Variants in RGMB observed in about 807,000 individuals in gnomAD.
RGMB encodes the protein repulsive guidance molecule BMP co-receptor b.
A neutral mutation model predicts 26.9 loss-of-function variants in RGMB; 16 were observed. The ratio of observed to expected loss-of-function variants is 0.60; its 90% CI spans 0.40 to 0.90. The LOEUF is 0.90. Among genes scored for constraint, RGMB ranks in the 40% least tolerant of loss-of-function variants. The pLI, the probability that RGMB is intolerant of heterozygous loss-of-function variation, is 0.00. For missense variants in RGMB, 512 were observed against 573.3 expected, an observed-to-expected ratio of 0.89 and a Z score of 1.09; for synonymous variants, 225 against 229.3, an observed-to-expected ratio of 0.98 and a Z score of 0.17.
chr5:98,789,291 GTTTCTTCCAAAATATAT>G (rs1321027799), intron 2 of RGMB, among the ~76,000 whole-genome samples: 1 of 152,148 alleles, frequency 6.6e-6, no homozygotes, highest in Non-Finnish European at 1.5e-5. Context: ...ACAGATAAAT[GTTTCTTCCAAAATATAT>G]TACGCACAAG....
At position 98,773,690 on chromosome 5, in the gene RGMB, G is replaced by T; in HGVS notation, c.-381G>T. 1 of 363,926 alleles carries T rather than the reference G, an allele frequency of 2.7e-6. No individual in the cohort carries two copies. 22.5% of individuals were successfully genotyped at this position (363,926 alleles called of 1,614,324 possible). On this transcript the variant is annotated 5_prime_UTR_variant, in exon 1 of 3. Transcript: ENST00000513185. ...AGAGATATCCGGGCCGCCGGTGGGT[G>T]GTCGCTAGGGCTGGGCCAGCCTCTT...
Position 98,793,240 on chromosome 5 carries a change from C to T in RGMB, c.801C>T (p.His267=), listed in dbSNP as rs762476444. 46 of 1,613,998 alleles carry T rather than the reference C, an allele frequency of 2.9e-5. No homozygotes were observed. The highest frequency in any genetic ancestry group is 3.9e-5 in the Non-Finnish European group (46 of 1,179,890). The change falls in exon 3 of 3, where the codon CAC becomes CAT. Residue 267 remains histidine, a synonymous_variant. Transcript: ENST00000513185. ...SLRIVERESG[H]YVEMHARYIG... is the part of the protein sequence containing the mutation. ...GTATCGTGGAAAGGGAGAGTGGCCA[C>T]TATGTGGAGATGCACGCCCGCTATA...
chr5:98,773,871 C>T lies in RGMB; in HGVS notation c.-200C>T, dbSNP rs574254981. 4.4e-5 allele frequency: 22 copies of T among 504,904 alleles called. No individual in the cohort carries two copies. The highest frequency in any genetic ancestry group is 4.3e-4 in the African/African-American group (21 of 48,852). 31.3% of individuals were successfully genotyped at this position (504,904 alleles called of 1,614,324 possible). On this transcript the variant is annotated 5_prime_UTR_variant, in exon 1 of 3. Transcript: ENST00000513185. ...GCCACGATGCCCCTGCGCCCCGCTG[C>T]TGCCGCCGCGGACTGGCTGCGCCGG... is the stretch of plus-strand genomic sequence containing the variant.
chr5:98,789,475 T>A (rs888090452), intron 2 of RGMB, among the ~76,000 whole-genome samples: 1 of 145,566 alleles, frequency 6.9e-6, no homozygotes, highest in East Asian at 1.9e-4. Flanking sequence ...TTTCATTTAA[T>A]ATGTTTTTTT....
intron 2 of RGMB, among the ~76,000 whole-genome samples, chr5:98,791,959 G>C (rs969437430): frequency 6.6e-6 from 1 of 152,212 alleles, no homozygotes; most frequent in Admixed American, 6.5e-5. Flanking sequence ...TATGTGCTTA[G>C]TTTGGAGAAT....
In RGMB at chr5:98,779,814, A is replaced by T. The variant is rs750590625; in HGVS notation, c.371A>T (p.Asp124Val). The T allele has an allele frequency of 6.2e-7, 1 of 1,614,028 alleles. No homozygotes were observed. The highest frequency in any genetic ancestry group is 8.5e-7 in the Non-Finnish European group (1 of 1,179,900). ...DLMSQRNCSKDGPTSSTNPEV... is the reference protein window; with the variant it reads ...DLMSQRNCSKVGPTSSTNPEV... ...ATGAGCCAGAGGAATTGTTCCAAGGATGGACCCACATCCTCTACCAACCCC... is the reference window on the plus strand; with the variant it reads ...ATGAGCCAGAGGAATTGTTCCAAGGTTGGACCCACATCCTCTACCAACCCC... The change falls in exon 2 of 3, where the codon GAT becomes GTT. Residue 124 changes from aspartate (D) to valine (V), a missense_variant. Asp to Val is a radical substitution (Grantham distance 152, BLOSUM62 -3). Transcript: ENST00000513185.
chr5:98,785,677 G>C (rs947261862), intron 2 of RGMB, among the ~76,000 whole-genome samples: 1 of 152,188 alleles, frequency 6.6e-6, no homozygotes, highest in African/African-American at 2.4e-5. Flanking sequence ...ATAGTCGCCA[G>C]TTCTTAATTA....
chr5:98,780,959 C>T (rs1746583115), intron 2 of RGMB: 1 of 152,182 alleles, frequency 6.6e-6, no homozygotes, highest in African/African-American at 2.4e-5. Context: ...TAACCACCTC[C>T]TTCCGTGTCT....
chr5:98,790,622 C>T (rs1746898827), intron 2 of RGMB, among the ~76,000 whole-genome samples: 1 of 152,004 alleles, frequency 6.6e-6, no homozygotes, highest in Non-Finnish European at 1.5e-5. Flanking sequence ...GGAACCATTC[C>T]ACTCATCTCA....
chr5:98,786,850 G>A (rs1440383446), intron 2 of RGMB, among the ~76,000 whole-genome samples: 1 of 152,168 alleles, frequency 6.6e-6, no homozygotes. Flanking sequence ...AGGTGAAACT[G>A]GTTCTATGGA....
chr5:98,794,414 T>C lies in RGMB; in HGVS notation c.*661T>C, dbSNP rs564554916. The C allele has an allele frequency of 1.3e-5, 2 of 152,330 alleles. No homozygotes were observed. The highest frequency in any genetic ancestry group is 4.1e-4 in the South Asian group (2 of 4,824). The allele number at this position is 152,330 out of a possible 1,614,324, so 9.4% of individuals were successfully genotyped here. A position where few individuals can be genotyped will look rare whatever the true frequency, so the allele number is the denominator to read the frequency against. On this transcript the variant is annotated 3_prime_UTR_variant, in exon 3 of 3. Coordinates refer to ENST00000513185, the MANE Select transcript of RGMB (RefSeq NM_001366508.1). ...TACTCTCAATTCTAATTGTTATATATTTGAGCCCATACAGTGTATTAGGTT... is the reference window on the plus strand; with the variant it reads ...TACTCTCAATTCTAATTGTTATATACTTGAGCCCATACAGTGTATTAGGTT...
upstream of RGMB, chr5:98,769,500 C>T (rs1746081058): frequency 6.6e-6 from 1 of 152,358 alleles, no homozygotes; most frequent in Non-Finnish European, 1.5e-5. Context: ...CCCCGAGTCG[C>T]GCTGCCCCCC....
At chr5:98,786,196 CCTT>C (rs1370398733) in intron 2 of RGMB, among the ~76,000 whole-genome samples, 1 of 152,192 alleles carries the variant, frequency 6.6e-6, no homozygotes, top group Non-Finnish European at 1.5e-5. Context: ...CTGTGCCACT[CCTT>C]CTGTCCCAGA....
upstream of RGMB, among the ~76,000 whole-genome samples, chr5:98,771,435 C>G (rs1489597788): frequency 1.3e-5 from 2 of 152,200 alleles, no homozygotes; most frequent in African/African-American, 4.8e-5. Context: ...TCACTACGCT[C>G]TTGCTTTCCA....
At chr5:98,769,048 C>G (rs900502952), upstream of RGMB, among the ~76,000 whole-genome samples, 1 of 152,154 alleles carries the variant, frequency 6.6e-6, no homozygotes, top group Non-Finnish European at 1.5e-5. Flanking sequence ...GGCAGCGCCG[C>G]CGGCCCGGAG....
intron 2 of RGMB, among the ~76,000 whole-genome samples, chr5:98,792,444 C>T (rs975724750): frequency 6.6e-6 from 1 of 152,054 alleles, no homozygotes; most frequent in African/African-American, 2.4e-5. Flanking sequence ...AAAAATTGCC[C>T]ATAATCTGGC....
At chr5:98,771,505 T>C (rs1297155589), upstream of RGMB, among the ~76,000 whole-genome samples, 1 of 152,214 alleles carries the variant, frequency 6.6e-6, no homozygotes. Flanking sequence ...AACTGACCTA[T>C]GTCTTGAAAA....
chr5:98,785,996 G>A (rs1561443944), intron 2 of RGMB, among the ~76,000 whole-genome samples: 2 of 152,186 alleles, frequency 1.3e-5, no homozygotes, highest in Non-Finnish European at 2.9e-5. Context: ...GTGGGGAAAG[G>A]AAGCAGAGAA....
At chr5:98,790,335 T>A (rs1746890556) in intron 2 of RGMB, among the ~76,000 whole-genome samples, 1 of 152,220 alleles carries the variant, frequency 6.6e-6, no homozygotes. Context: ...AGAATTACCT[T>A]GCTTGGTTGG....
Sources: gnomAD v4.1 joint callset for allele counts (sites outside exome capture counted in the v4.1 genomes callset) on GRCh38, gnomAD v4.1.1 for gene constraint, MANE v1.5 for transcripts, NCBI Gene and HGNC (gene_info 2026-07-23, HGNC 2026-07-21) for gene names.